OSBPL9: variants seen among roughly 807,000 people sequenced by gnomAD.
OSBPL9 encodes oxysterol binding protein like 9.
Under a neutral mutation model 106.6 loss-of-function variants are expected in OSBPL9, and 40 were observed. The observed-to-expected ratio is 0.38, with a 90% CI of 0.29 to 0.49. The LOEUF is 0.49. OSBPL9 is among the 20% of genes least tolerant of loss of function. The pLI is 0.97. For synonymous variants in OSBPL9, 269 were observed against 295.4 expected (o/e 0.91, Z 0.92); for missense variants, 609 against 887.2 (o/e 0.69, Z 3.98).
chr1:51,745,996 C>T (rs930994669), intron 5 of OSBPL9, among the ~76,000 whole-genome samples: 5 of 152,154 alleles, frequency 3.3e-5, no homozygotes, highest in Non-Finnish European at 5.9e-5. Context: ...GAGTCTCACT[C>T]TGTCACCCAG....
chr1:51,533,857 T>C, the OSBPL9 span, among the ~76,000 whole-genome samples: 50 of 148,980 alleles, frequency 3.4e-4, no homozygotes, highest in Admixed American at 2.7e-4. Context: ...TTTTTTTTTT[T>C]TTTTTGCAGA....
At chr1:51,568,211 C>T in the OSBPL9 span, among the ~76,000 whole-genome samples, 1 of 152,228 alleles carries the variant, frequency 6.6e-6, no homozygotes, top group Non-Finnish European at 1.5e-5. Flanking sequence ...TCTTTTCCAT[C>T]TCTGATCTCC....
At chr1:51,735,343 C>T (rs773447670) in intron 4 of OSBPL9, among the ~76,000 whole-genome samples, 3 of 152,198 alleles carry the variant, frequency 2.0e-5, no homozygotes, top group Non-Finnish European at 4.4e-5. Flanking sequence ...CTTAGCCCTA[C>T]TCTCACTTCT....
the OSBPL9 span, among the ~76,000 whole-genome samples, chr1:51,521,904 C>T: frequency 3.3e-5 from 5 of 152,050 alleles, no homozygotes; most frequent in African/African-American, 1.2e-4. Context: ...ATTACAGGCA[C>T]CCGCCACCAC....
chr1:51,580,422 A>G (rs2148598633), intron 1 of OSBPL9, among the ~76,000 whole-genome samples: 1 of 152,314 alleles, frequency 6.6e-6, no homozygotes, highest in Non-Finnish European at 1.5e-5. Flanking sequence ...TAATGTAACT[A>G]TTGCTGCTGT....
chr1:51,636,080 A>ATGTGTG (rs1306785076), intron 1 of OSBPL9, among the ~76,000 whole-genome samples: 2 of 125,694 alleles, frequency 1.6e-5, no homozygotes, highest in African/African-American at 6.9e-5. Context: ...GTATGTATGT[A>ATGTGTG]TATGTGTGTG....
chr1:51,717,797 T>G (rs1661335503), intron 4 of OSBPL9, among the ~76,000 whole-genome samples: 1 of 152,050 alleles, frequency 6.6e-6, no homozygotes, highest in African/African-American at 2.4e-5. Flanking sequence ...GGAGAACAGT[T>G]TGAAGGTTCC....
chr1:51,569,240 A>G, the OSBPL9 span, among the ~76,000 whole-genome samples: 1 of 152,164 alleles, frequency 6.6e-6, no homozygotes, highest in Non-Finnish European at 1.5e-5. Flanking sequence ...ATTGTAGTGT[A>G]CCTGTGAGAG....
chr1:51,677,267 A>G (rs1014253931), intron 3 of OSBPL9, among the ~76,000 whole-genome samples: 10 of 152,334 alleles, frequency 6.6e-5, no homozygotes, highest in African/African-American at 2.4e-4. Flanking sequence ...TCTGGATCCA[A>G]TGGTTAAACA....
upstream of OSBPL9, among the ~76,000 whole-genome samples, chr1:51,613,485 T>G (rs185981369): frequency 6.6e-6 from 1 of 152,352 alleles, no homozygotes; most frequent in Admixed American, 6.5e-5. Flanking sequence ...CTCAGTTTCC[T>G]TATTTGTAAA....
At chr1:51,527,191 C>A in the OSBPL9 span, among the ~76,000 whole-genome samples, 9,548 of 152,152 alleles carry the variant, frequency 0.063, 957 homozygotes, top group African/African-American at 0.21. Flanking sequence ...TATTAAAACT[C>A]TTTGACCCTC....
chr1:51,519,087 CA>C, the OSBPL9 span: 1,944 of 704,090 alleles, frequency 2.8e-3, 30 homozygotes, highest in African/African-American at 0.034. Context: ...GCCCGGCCCA[CA>C]AGCCAAGAAG....
chr1:51,628,979 T>TAGCTTAACACTCTCTATTCACTTG (rs997159476), intron 1 of OSBPL9, among the ~76,000 whole-genome samples: 2 of 152,094 alleles, frequency 1.3e-5, no homozygotes, highest in African/African-American at 4.8e-5. Flanking sequence ...TGCCCGGCCT[T>TAGCTTAACACTCTCTATTCACTTG]AGCTTAACAC....
At chr1:51,708,627 C>T (rs529405929) in intron 3 of OSBPL9, among the ~76,000 whole-genome samples, 4 of 152,292 alleles carry the variant, frequency 2.6e-5, no homozygotes, top group Non-Finnish European at 4.4e-5. Context: ...TTACTTCACT[C>T]ACATTTAATT....
chr1:51,593,605 A>G (rs930384728), intron 1 of OSBPL9, among the ~76,000 whole-genome samples: 2 of 151,974 alleles, frequency 1.3e-5, no homozygotes, highest in African/African-American at 4.8e-5. Context: ...CCTTCGAAAC[A>G]TTGCTTAAGT....
chr1:51,533,556 G>C, the OSBPL9 span, among the ~76,000 whole-genome samples: 1 of 151,646 alleles, frequency 6.6e-6, no homozygotes, highest in Admixed American at 6.6e-5. Flanking sequence ...AAATGGCTGT[G>C]GGAGTCAAAA....
intron 1 of OSBPL9, among the ~76,000 whole-genome samples, chr1:51,590,349 G>A (rs1226345564): frequency 7.2e-5 from 11 of 151,768 alleles, no homozygotes; most frequent in Middle Eastern, 3.4e-3. Flanking sequence ...GGCCGGGCGC[G>A]GTGGCTCAAG....
chr1:51,730,089 C>A (rs1279786704), intron 4 of OSBPL9: 2 of 1,260,632 alleles, frequency 1.6e-6, no homozygotes, highest in South Asian at 3.9e-5. Context: ...GCGCGAATGT[C>A]GTGCTCACCC....
chr1:51,750,032 G>A (rs1400704914), intron 7 of OSBPL9, 113 bp from the exon 8 acceptor site: 2 of 598,864 alleles, frequency 3.3e-6, no homozygotes, highest in Non-Finnish European at 5.5e-6. Flanking sequence ...TATTTCTTGT[G>A]TAGTATAGAC....
Sources: allele counts gnomAD v4.1 joint callset (sites outside exome capture counted in the v4.1 genomes callset), GRCh38; gene constraint gnomAD v4.1.1; transcripts MANE v1.5; gene names NCBI Gene and HGNC (gene_info 2026-07-23, HGNC 2026-07-21).